The following PRKCE variants were observed in gnomAD, a reference collection of about 807,000 sequenced individuals.
The protein encoded by PRKCE is protein kinase C epsilon.
PRKCE carries 16 observed loss-of-function variants against 85.4 expected under a neutral mutation model. That is an observed-to-expected ratio of 0.19 (90% confidence interval 0.13 to 0.28). PRKCE has a LOEUF of 0.28. Among genes scored for constraint, PRKCE ranks in the 10% least tolerant of loss-of-function variants. PRKCE has a pLI of 1.00. For missense variants in PRKCE, 573 were observed against 975.2 expected, an observed-to-expected ratio of 0.59 and a Z score of 5.49; for synonymous variants, 388 against 371.5, an observed-to-expected ratio of 1.04 and a Z score of -0.51.
In PRKCE at chr2:46,020,300, C is replaced by T. The variant is rs574509732; in HGVS notation, c.1437+9783C>T. On this transcript the variant is annotated intron_variant, in intron 10 of 14. Transcript: ENST00000306156. ...CCACCTGGCTGTGCAGCTCCATGTC[C>T]GACTGTTTCACATGTTAGCATTCCA... is the stretch of plus-strand genomic sequence containing the variant. 3.9e-5 allele frequency among the ~76,000 whole-genome samples: 6 copies of T among 152,108 alleles called. 1 individual carries two copies. The highest frequency in any genetic ancestry group is 2.0e-4 in the Admixed American group (3 of 15,272).
At chr2:46,079,239 C>CT (rs953947224) in intron 10 of PRKCE, among the ~76,000 whole-genome samples, 1 of 151,484 alleles carries the variant, frequency 6.6e-6, no homozygotes, top group Non-Finnish European at 1.5e-5. Flanking sequence ...ATGATCTTCT[C>CT]TAAGTGATAA....
intron 1 of PRKCE, among the ~76,000 whole-genome samples, chr2:45,719,619 C>G (rs1680442511): frequency 1.3e-5 from 2 of 152,132 alleles, no homozygotes; most frequent in Admixed American, 1.3e-4. Context: ...TGAGGTGTGG[C>G]ACATCTGAAA....
chr2:45,906,109 C>G (rs552153297), intron 2 of PRKCE, among the ~76,000 whole-genome samples: 19 of 152,224 alleles, frequency 1.2e-4, no homozygotes, highest in Non-Finnish European at 2.4e-4. Context: ...TCCTGCTCCC[C>G]GCAACTCTGC....
intron 2 of PRKCE, among the ~76,000 whole-genome samples, chr2:45,871,743 A>C (rs560868375): frequency 1.3e-5 from 2 of 152,152 alleles, no homozygotes; most frequent in African/African-American, 4.8e-5. Context: ...AGCGGTAAGG[A>C]TTTAAGGGAG....
intron 10 of PRKCE, among the ~76,000 whole-genome samples, chr2:46,016,975 G>T (rs1706213177): frequency 6.8e-6 from 1 of 147,956 alleles, no homozygotes; most frequent in South Asian, 2.1e-4. Context: ...ACTGCCTAAT[G>T]ATGTCTCTAT....
intron 1 of PRKCE, among the ~76,000 whole-genome samples, chr2:45,711,576 A>G (rs754996885): frequency 1.1e-4 from 17 of 152,336 alleles, no homozygotes; most frequent in South Asian, 2.1e-4. Flanking sequence ...AATTAACTAT[A>G]TAAGTGTTCA....
At chr2:45,856,171 T>G (rs941627937) in intron 2 of PRKCE, among the ~76,000 whole-genome samples, 1 of 152,174 alleles carries the variant, frequency 6.6e-6, no homozygotes, top group Non-Finnish European at 1.5e-5. Flanking sequence ...GTACATAGTA[T>G]AGTGATCAAC....
chr2:46,117,405 A>G (rs1226545978), intron 11 of PRKCE, among the ~76,000 whole-genome samples: 1 of 152,244 alleles, frequency 6.6e-6, no homozygotes, highest in African/African-American at 2.4e-5. Flanking sequence ...TGTATCCAAA[A>G]TAATGTAAGC....
At chr2:45,710,858 C>A (rs1162824348) in intron 1 of PRKCE, among the ~76,000 whole-genome samples, 1 of 152,234 alleles carries the variant, frequency 6.6e-6, no homozygotes, top group East Asian at 1.9e-4. Context: ...GCCTGGCAGG[C>A]CAGATGACAC....
At chr2:46,025,161 A>G (rs1297795816) in intron 10 of PRKCE, among the ~76,000 whole-genome samples, 1 of 152,218 alleles carries the variant, frequency 6.6e-6, no homozygotes, top group Non-Finnish European at 1.5e-5. Flanking sequence ...TTCACGAGAG[A>G]ACTCCCGGGG....
In PRKCE at chr2:45,951,016, C is replaced by T. The variant is rs146471512; in HGVS notation, c.413-25413C>T. ...TCCAAATAGTGTCCTTGTACATCCCCAGTCATGACTGTGAATTGCACTACA... is the reference window on the plus strand; with the variant it reads ...TCCAAATAGTGTCCTTGTACATCCCTAGTCATGACTGTGAATTGCACTACA... On this transcript the variant is annotated intron_variant, in intron 2 of 14. Transcript: ENST00000306156. 3.3e-5 allele frequency among the ~76,000 whole-genome samples: 5 copies of T among 152,306 alleles called. No individual in the cohort carries two copies. The East Asian group carries it at 7.7e-4, about 24-fold the overall frequency.
chr2:46,017,894 C>G (rs1706300871), intron 10 of PRKCE, among the ~76,000 whole-genome samples: 1 of 152,132 alleles, frequency 6.6e-6, no homozygotes, highest in African/African-American at 2.4e-5. Context: ...AAAGGTTTCC[C>G]AACAGTCTTT....
intron 6 of PRKCE, among the ~76,000 whole-genome samples, chr2:45,991,485 C>T (rs1703793957): frequency 6.6e-6 from 1 of 152,202 alleles, no homozygotes; most frequent in South Asian, 2.1e-4. Flanking sequence ...TGCTTTTCTA[C>T]AGTATGTCTT....
intron 2 of PRKCE, among the ~76,000 whole-genome samples, chr2:45,866,497 C>T (rs1019005533): frequency 6.6e-6 from 1 of 151,960 alleles, no homozygotes; most frequent in Non-Finnish European, 1.5e-5. Context: ...TTAGTAGAGA[C>T]GGGGTTTCAC....
intron 10 of PRKCE, among the ~76,000 whole-genome samples, chr2:46,071,447 C>T (rs1016499631): frequency 1.3e-5 from 2 of 152,188 alleles, no homozygotes; most frequent in African/African-American, 2.4e-5. Context: ...TATTGAATCT[C>T]GATTTTACAA....
chr2:45,733,718 C>T (rs1681788187), intron 1 of PRKCE, among the ~76,000 whole-genome samples: 1 of 152,148 alleles, frequency 6.6e-6, no homozygotes, highest in Non-Finnish European at 1.5e-5. Context: ...TCTTTCTACG[C>T]AGCTAAGAGT....
At chr2:45,792,879 A>C (rs112870614) in intron 1 of PRKCE, among the ~76,000 whole-genome samples, 12,942 of 151,912 alleles carry the variant, frequency 0.085, 721 homozygotes, top group South Asian at 0.18. Flanking sequence ...GCTCACTGCA[A>C]CCTCTGTCTC....
chr2:46,098,287 T>G (rs191528158), intron 11 of PRKCE, among the ~76,000 whole-genome samples: 3 of 152,152 alleles, frequency 2.0e-5, no homozygotes, highest in African/African-American at 7.2e-5. Context: ...TCCCTAAACC[T>G]CAGTTCCTTC....
At chr2:45,710,584 C>T (rs1679538949) in intron 1 of PRKCE, among the ~76,000 whole-genome samples, 1 of 152,226 alleles carries the variant, frequency 6.6e-6, no homozygotes, top group African/African-American at 2.4e-5. Context: ...GATTCCATTG[C>T]CAGGCCCCAG....
Sources: gnomAD v4.1 joint callset for allele counts (sites outside exome capture counted in the v4.1 genomes callset) on GRCh38, gnomAD v4.1.1 for gene constraint, MANE v1.5 for transcripts, NCBI Gene and HGNC (gene_info 2026-07-23, HGNC 2026-07-21) for gene names.